The following EPC2 variants were observed in gnomAD, a reference collection of about 807,000 sequenced individuals.
EPC2 encodes enhancer of polycomb homolog 2.
A neutral mutation model predicts 92.1 loss-of-function variants in EPC2; 14 were observed. The ratio of observed to expected loss-of-function variants is 0.15; its 90% CI spans 0.10 to 0.24. The LOEUF is 0.24. Ranked by LOEUF, EPC2 falls within the 10% of genes least tolerant of loss-of-function variation. The pLI is 1.00. For missense variants in EPC2, 755 were observed against 971.5 expected, an observed-to-expected ratio of 0.78 and a Z score of 2.96; for synonymous variants, 340 against 334.7, an observed-to-expected ratio of 1.02 and a Z score of -0.17.
intron 8 of EPC2, 121 bp downstream of exon 8, chr2:148,769,361 C>T (rs1683474107): frequency 2.9e-6 from 2 of 689,914 alleles, no homozygotes; most frequent in African/African-American, 3.5e-5. Context: ...ATTTAACATC[C>T]TTTATGTGGA....
intron 3 of EPC2, among the ~76,000 whole-genome samples, chr2:148,744,845 T>C (rs1008564647): frequency 1.3e-5 from 2 of 152,030 alleles, no homozygotes; most frequent in African/African-American, 4.8e-5. Context: ...TACAGTAGAT[T>C]GTTAAAACTT....
At chr2:148,782,555 T>A (rs902914570) in intron 11 of EPC2, among the ~76,000 whole-genome samples, 1 of 151,646 alleles carries the variant, frequency 6.6e-6, no homozygotes, top group Non-Finnish European at 1.5e-5. Flanking sequence ...ACAAAAAAAA[T>A]TAATTAAAAT....
At chr2:148,732,111 T>G (rs1236908387) in intron 2 of EPC2, among the ~76,000 whole-genome samples, 1 of 152,202 alleles carries the variant, frequency 6.6e-6, no homozygotes, top group Non-Finnish European at 1.5e-5. Flanking sequence ...CTTATGGTTT[T>G]TCCTCACCAA....
intron 1 of EPC2, among the ~76,000 whole-genome samples, chr2:148,684,815 C>T (rs1237782013): frequency 2.0e-5 from 3 of 152,210 alleles, no homozygotes; most frequent in Admixed American, 6.5e-5. Context: ...TAATTAATCA[C>T]GTTGCTCTCT....
intron 2 of EPC2, among the ~76,000 whole-genome samples, chr2:148,735,141 G>A (rs778528599): frequency 2.0e-5 from 3 of 151,904 alleles, no homozygotes; most frequent in Admixed American, 6.6e-5. Context: ...CCACATTTAT[G>A]AGAGCTTTTC....
Position 148,644,957 on chromosome 2 carries a change from C to A in EPC2, c.-61C>A, listed in dbSNP as rs932846550. ...AGGTGGAGGAGGCGGCGGGAGTCCT[C>A]CCCCCCTCCCCGCCCGCCCCGCCGC... On this transcript the variant is annotated 5_prime_UTR_variant, in exon 1 of 14. Coordinates refer to ENST00000258484, the MANE Select transcript of EPC2 (RefSeq NM_015630.4). 103 of 1,371,848 alleles carry A rather than the reference C, an allele frequency of 7.5e-5. 1 individual carries two copies. Among genetic ancestry groups the A allele is most frequent in the Non-Finnish European group, 9.0e-5 (90 of 995,858 alleles). 85.0% of individuals were successfully genotyped at this position (1,371,848 alleles called of 1,614,324 possible). A position where few individuals can be genotyped will look rare whatever the true frequency, so the allele number is the denominator to read the frequency against.
intron 1 of EPC2, among the ~76,000 whole-genome samples, chr2:148,682,724 G>A (rs1681425634): frequency 6.6e-6 from 1 of 152,062 alleles, no homozygotes; most frequent in South Asian, 2.1e-4. Context: ...ACATACACAA[G>A]TATAATGAAT....
At chr2:148,675,610 C>G (rs1377937795) in intron 1 of EPC2, among the ~76,000 whole-genome samples, 1 of 152,138 alleles carries the variant, frequency 6.6e-6, no homozygotes, top group Admixed American at 6.6e-5. Flanking sequence ...CTAACTCTTT[C>G]TAGCTGGTGT....
chr2:148,699,527 AT>A (rs1210342014), intron 2 of EPC2, among the ~76,000 whole-genome samples: 1 of 152,228 alleles, frequency 6.6e-6, no homozygotes, highest in Non-Finnish European at 1.5e-5. Flanking sequence ...TTGGAATTAT[AT>A]AATACATAGC....
At chr2:148,785,085 A>G (rs1558840783) in intron 13 of EPC2, 84 bp downstream of exon 13, 3 of 1,110,376 alleles carry the variant, frequency 2.7e-6, no homozygotes, top group Non-Finnish European at 3.7e-6. Flanking sequence ...ACACTGCTCA[A>G]GCAATAGGTG....
At chr2:148,774,172 A>G (rs1163070855) in intron 10 of EPC2, among the ~76,000 whole-genome samples, 1 of 152,186 alleles carries the variant, frequency 6.6e-6, no homozygotes, top group Non-Finnish European at 1.5e-5. Context: ...TAGAAACATA[A>G]TGCACTTTAT....
At chr2:148,777,829 G>A (rs981745941) in intron 10 of EPC2, among the ~76,000 whole-genome samples, 1 of 152,202 alleles carries the variant, frequency 6.6e-6, no homozygotes, top group Non-Finnish European at 1.5e-5. Flanking sequence ...AATAAAAGTA[G>A]ACTGGTAATT....
chr2:148,689,278 G>A (rs1055814904), intron 1 of EPC2, among the ~76,000 whole-genome samples: 42 of 151,528 alleles, frequency 2.8e-4, no homozygotes, highest in Non-Finnish European at 5.2e-4. Flanking sequence ...CTGGGTTCAC[G>A]CCATTCTCCT....
intron 7 of EPC2, among the ~76,000 whole-genome samples, chr2:148,768,309 A>G (rs192156171): frequency 3.3e-5 from 5 of 152,314 alleles, no homozygotes. Context: ...TATCTAAAAC[A>G]TATTATTTCC....
chr2:148,732,135 C>G (rs1682644606), intron 2 of EPC2, among the ~76,000 whole-genome samples: 1 of 152,154 alleles, frequency 6.6e-6, no homozygotes, highest in African/African-American at 2.4e-5. Context: ...GAGCTAGAAT[C>G]AGGAAATAAA....
intron 3 of EPC2, among the ~76,000 whole-genome samples, chr2:148,748,379 A>G (rs1161625238): frequency 6.6e-6 from 1 of 152,084 alleles, no homozygotes; most frequent in African/African-American, 2.4e-5. Context: ...GAACAGACTA[A>G]TATACTCTCT....
intron 1 of EPC2, among the ~76,000 whole-genome samples, chr2:148,662,574 A>G (rs1649521807): frequency 6.6e-6 from 1 of 151,998 alleles, no homozygotes; most frequent in South Asian, 2.1e-4. Flanking sequence ...AGGACAAAAA[A>G]CCAAACACCG....
chr2:148,781,830 T>A, intron 11 of EPC2, 50 bp downstream of exon 11: 2 of 1,604,862 alleles, frequency 1.2e-6, no homozygotes, highest in Non-Finnish European at 1.7e-6. Context: ...CATCATTATG[T>A]AGTTTTATTC....
chr2:148,754,654 G>C (rs1471431236), intron 4 of EPC2, among the ~76,000 whole-genome samples: 1 of 152,152 alleles, frequency 6.6e-6, no homozygotes. Flanking sequence ...CAAGGTCGTG[G>C]GAAGTAGGGA....
Sources: allele counts gnomAD v4.1 joint callset (sites outside exome capture counted in the v4.1 genomes callset), GRCh38; gene constraint gnomAD v4.1.1; transcripts MANE v1.5; gene names NCBI Gene and HGNC (gene_info 2026-07-23, HGNC 2026-07-21).